The following GPC6 variants were observed in gnomAD, a reference collection of about 807,000 sequenced individuals.
GPC6 encodes glypican 6.
GPC6 carries 14 observed loss-of-function variants against 55.2 expected under a neutral mutation model. The ratio of observed to expected loss-of-function variants is 0.25; its 90% CI spans 0.17 to 0.40. GPC6 has a LOEUF of 0.40. GPC6 is among the 10% of genes least tolerant of loss of function. The pLI is 1.00. For missense variants in GPC6, 641 were observed against 708.5 expected (o/e 0.90, Z 1.08); for synonymous variants, 278 against 259.6 (o/e 1.07, Z -0.68).
intron 4 of GPC6, among the ~76,000 whole-genome samples, chr13:94,255,014 G>A (rs1891462851): frequency 6.6e-6 from 1 of 152,156 alleles, no homozygotes; most frequent in South Asian, 2.1e-4. Flanking sequence ...TTTCATCAAT[G>A]TTTAAGAAGC....
At chr13:94,147,763 C>T (rs74105733) in intron 4 of GPC6, among the ~76,000 whole-genome samples, 4,146 of 152,116 alleles carry the variant, frequency 0.027, 179 homozygotes, top group African/African-American at 0.093. Context: ...ATTAAAGAGC[C>T]CTTCCACATG....
chr13:93,774,446 A>G (rs775955845), intron 2 of GPC6, among the ~76,000 whole-genome samples: 5 of 152,210 alleles, frequency 3.3e-5, no homozygotes, highest in Non-Finnish European at 7.3e-5. Context: ...GAGATAAGTT[A>G]TGCTAATATT....
intron 4 of GPC6, among the ~76,000 whole-genome samples, chr13:94,166,240 T>G (rs1888364448): frequency 6.6e-6 from 1 of 152,224 alleles, no homozygotes; most frequent in Non-Finnish European, 1.5e-5. Context: ...GCATTAAACT[T>G]CTAAAGATAG....
At chr13:93,817,868 G>C (rs1435463820) in intron 2 of GPC6, among the ~76,000 whole-genome samples, 3 of 90,432 alleles carry the variant, frequency 3.3e-5, no homozygotes, top group Non-Finnish European at 6.1e-5. Flanking sequence ...AAAAAATAAT[G>C]TATAGATAGA....
chr13:94,268,613 T>C (rs1891887330), intron 4 of GPC6, among the ~76,000 whole-genome samples: 1 of 152,220 alleles, frequency 6.6e-6, no homozygotes, highest in Non-Finnish European at 1.5e-5. Flanking sequence ...GTTGACTCTA[T>C]CATCAAATAG....
chr13:93,266,831 C>T (rs1287401160), intron 1 of GPC6, among the ~76,000 whole-genome samples: 1 of 152,106 alleles, frequency 6.6e-6, no homozygotes, highest in East Asian at 1.9e-4. Flanking sequence ...TACATATAGC[C>T]TTGTGGCTTT....
rs544229082 is a variant in GPC6 at position 93,821,878 on chromosome 13, G to A, written c.320-8276G>A. Reference sequence around the variant, plus strand: ...TTCCTTAAAGGATAACTATTATAGAGAATTTTAACAAAATGTTAAGACTTA... The same window carrying A: ...TTCCTTAAAGGATAACTATTATAGAAAATTTTAACAAAATGTTAAGACTTA... On this transcript the variant is annotated intron_variant, in intron 2 of 8. Transcript: ENST00000377047. 1.7e-4 allele frequency among the ~76,000 whole-genome samples: 26 copies of A among 152,038 alleles called. 1 individual carries two copies. Among genetic ancestry groups the A allele is most frequent in the Non-Finnish European group, 1.6e-4 (11 of 67,980 alleles).
At chr13:93,308,111 C>T (rs1054641082) in intron 1 of GPC6, among the ~76,000 whole-genome samples, 2 of 151,896 alleles carry the variant, frequency 1.3e-5, no homozygotes, top group Non-Finnish European at 2.9e-5. Flanking sequence ...GGTGAAACCC[C>T]GTCTCTACTA....
At chr13:94,139,863 T>G (rs1887314326) in intron 4 of GPC6, among the ~76,000 whole-genome samples, 1 of 152,170 alleles carries the variant, frequency 6.6e-6, no homozygotes, top group South Asian at 2.1e-4. Context: ...GGGGCTACAG[T>G]TTAACAACAT....
At chr13:94,311,170 A>G (rs187468655) in intron 6 of GPC6, among the ~76,000 whole-genome samples, 189 of 152,176 alleles carry the variant, frequency 1.2e-3, no homozygotes, top group Non-Finnish European at 1.9e-3. Flanking sequence ...AACCAAAATA[A>G]TCAGTTATCT....
At chr13:94,175,370 C>T (rs6492696) in intron 4 of GPC6, among the ~76,000 whole-genome samples, 106,206 of 152,040 alleles carry the variant, frequency 0.7, 38,408 homozygotes, top group Non-Finnish European at 0.79. Flanking sequence ...ACAAATGTTA[C>T]TTACTAGGAT....
chr13:94,349,745 C>G (rs564396107), intron 6 of GPC6, among the ~76,000 whole-genome samples: 1 of 152,266 alleles, frequency 6.6e-6, no homozygotes, highest in African/African-American at 2.4e-5. Context: ...GCCACCTCAT[C>G]CAAGAAAGCT....
intron 3 of GPC6, among the ~76,000 whole-genome samples, chr13:94,026,578 A>G (rs1328305242): frequency 6.6e-6 from 1 of 152,164 alleles, no homozygotes; most frequent in African/African-American, 2.4e-5. Context: ...ACATCTAGTC[A>G]TGAATAAGAG....
intron 2 of GPC6, among the ~76,000 whole-genome samples, chr13:93,794,384 C>G (rs191278205): frequency 1.4e-4 from 21 of 152,318 alleles, no homozygotes; most frequent in African/African-American, 4.8e-4. Flanking sequence ...TGGGGCCCAG[C>G]AATCTGGTTT....
intron 2 of GPC6, among the ~76,000 whole-genome samples, chr13:93,693,501 G>GTGTGTGTA (rs1307778155): frequency 1.4e-5 from 2 of 145,858 alleles, no homozygotes; most frequent in Admixed American, 6.9e-5. Context: ...GTGTGTGTGT[G>GTGTGTGTA]TAGGGAGACA....
intron 4 of GPC6, among the ~76,000 whole-genome samples, chr13:94,114,875 T>C (rs1484535499): frequency 6.6e-6 from 1 of 152,162 alleles, no homozygotes; most frequent in Non-Finnish European, 1.5e-5. Context: ...TACTGTTTTT[T>C]TTTCCATTTT....
chr13:94,154,762 C>T (rs566972299), intron 4 of GPC6, among the ~76,000 whole-genome samples: 27 of 152,278 alleles, frequency 1.8e-4, no homozygotes, highest in African/African-American at 5.8e-4. Flanking sequence ...CCTTTTAAGA[C>T]GTTCTGTAAA....
intron 3 of GPC6, among the ~76,000 whole-genome samples, chr13:94,007,231 C>T (rs1882058917): frequency 6.6e-6 from 1 of 152,194 alleles, no homozygotes; most frequent in Non-Finnish European, 1.5e-5. Flanking sequence ...GTACTCAGAT[C>T]ACTCATTAAT....
chr13:93,533,850 G>A (rs1408314722), intron 1 of GPC6, among the ~76,000 whole-genome samples: 2 of 151,904 alleles, frequency 1.3e-5, no homozygotes, highest in African/African-American at 4.8e-5. Flanking sequence ...CCAAGGATTC[G>A]TCCAAGAACT....
Sources: allele counts gnomAD v4.1 joint callset (sites outside exome capture counted in the v4.1 genomes callset), GRCh38; gene constraint gnomAD v4.1.1; transcripts MANE v1.5; gene names NCBI Gene and HGNC (gene_info 2026-07-23, HGNC 2026-07-21).